PCLO: variants seen among roughly 807,000 people sequenced by gnomAD.
PCLO encodes the protein piccolo presynaptic cytomatrix protein, also known as protein piccolo.
PCLO carries 82 observed loss-of-function variants against 427.5 expected under a neutral mutation model. That is an observed-to-expected ratio of 0.19 (90% CI 0.16 to 0.23). PCLO has a LOEUF of 0.23. Among genes scored for constraint, PCLO ranks in the 10% least tolerant of loss-of-function variants. PCLO has a pLI of 1.00. For synonymous variants in PCLO, 2,357 were observed against 2,155.4 expected (o/e 1.09, Z -2.59); for missense variants, 6,239 against 6,115.9 (o/e 1.02, Z -0.67).
intron 15 of PCLO, among the ~76,000 whole-genome samples, chr7:82,836,196 C>T (rs1028391240): frequency 6.6e-6 from 1 of 152,018 alleles, no homozygotes; most frequent in Non-Finnish European, 1.5e-5. Context: ...GATAGATACT[C>T]CCATATTGTG....
At chr7:83,059,585 C>T (rs1789493133) in intron 3 of PCLO, among the ~76,000 whole-genome samples, 1 of 150,168 alleles carries the variant, frequency 6.7e-6, no homozygotes, top group African/African-American at 2.5e-5. Context: ...ACAGTCATGA[C>T]AGAAATTTAT....
chr7:83,063,249 T>C (rs1411603792), intron 3 of PCLO, among the ~76,000 whole-genome samples: 1 of 152,074 alleles, frequency 6.6e-6, no homozygotes, highest in Non-Finnish European at 1.5e-5. Flanking sequence ...TGCATTGTCT[T>C]CCCATGTAAA....
Position 82,954,910 on chromosome 7 carries a change from A to T in PCLO, c.6043T>A (p.Tyr2015Asn). ...QKITDLQKEF[Y>N]ELESLHSVVP... ...ACAGAATGTAAGCTTTCTAACTCAT[A>T]AAACTCTTTCTGGAGGTCTGTAATT... Residue 2015 changes from tyrosine (Y) to asparagine (N), a missense_variant, in exon 5 of 25, where the codon TAT becomes AAT. Transcript: ENST00000333891. 1 of 1,613,722 alleles carries T rather than the reference A, an allele frequency of 6.2e-7. No individual in the cohort carries two copies. Among genetic ancestry groups the T allele is most frequent in the Non-Finnish European group, 8.5e-7 (1 of 1,179,800 alleles).
intron 3 of PCLO, among the ~76,000 whole-genome samples, chr7:83,040,992 C>T (rs1788960137): frequency 6.6e-6 from 1 of 152,090 alleles, no homozygotes; most frequent in Non-Finnish European, 1.5e-5. Flanking sequence ...GAGAATACTA[C>T]TTAATCAGGA....
At chr7:82,810,686 A>G (rs1791550873) in intron 20 of PCLO, among the ~76,000 whole-genome samples, 2 of 151,738 alleles carry the variant, frequency 1.3e-5, no homozygotes, top group South Asian at 4.1e-4. Context: ...TAGATGGTTC[A>G]ACATCATTGT....
intron 22 of PCLO, among the ~76,000 whole-genome samples, chr7:82,779,892 A>G (rs549696980): frequency 6.6e-6 from 1 of 152,140 alleles, no homozygotes; most frequent in African/African-American, 2.4e-5. Context: ...CTTCTGGACA[A>G]TAGTATGGGT....
chr7:82,806,351 C>T (rs1791457353), intron 20 of PCLO, among the ~76,000 whole-genome samples: 1 of 152,030 alleles, frequency 6.6e-6, no homozygotes, highest in Admixed American at 6.6e-5. Flanking sequence ...TTTGTATGTA[C>T]CTCTGCCTAC....
intron 9 of PCLO, among the ~76,000 whole-genome samples, chr7:82,896,844 A>T (rs973302385): frequency 6.6e-6 from 1 of 151,668 alleles, no homozygotes; most frequent in African/African-American, 2.4e-5. Flanking sequence ...TTTCAAACTT[A>T]ACAACATTTT....
chr7:82,824,290 T>C lies in PCLO; in HGVS notation c.14542A>G (p.Lys4848Glu), dbSNP rs1340055915. 6.2e-6 allele frequency: 10 copies of C among 1,613,574 alleles called. No homozygotes were observed. Among genetic ancestry groups the C allele is most frequent in the Non-Finnish European group, 7.6e-6 (9 of 1,179,712 alleles). ...HSSQSSQQSP[K>E]PSVIKSRSHG... is the part of the protein sequence containing the mutation. ...CTTCTGCTTTTGATAACAGATGGCT[T>C]TGGGGACTGCTGGCTGCTCTGACTG... The change falls in exon 19 of 25, where the codon AAG becomes GAG. Residue 4848 changes from lysine to glutamate, a missense_variant. Around this residue, in one of 5 missense-constraint regions of PCLO, gnomAD observed 877 missense variants for 925.5 expected, o/e 0.95. Coordinates refer to ENST00000333891, the MANE Select transcript of PCLO (RefSeq NM_033026.6).
At chr7:83,147,763 T>TA (rs1357078590) in intron 2 of PCLO, among the ~76,000 whole-genome samples, 1 of 152,070 alleles carries the variant, frequency 6.6e-6, no homozygotes, top group South Asian at 2.1e-4. Context: ...AACATGAATT[T>TA]AAAAAATAAA....
chr7:82,852,334 A>G (rs539509664), intron 10 of PCLO, among the ~76,000 whole-genome samples: 1 of 152,228 alleles, frequency 6.6e-6, no homozygotes, highest in South Asian at 2.1e-4. Context: ...ATTTTAGTCA[A>G]TGAGCTGGGA....
At chr7:83,127,849 T>G (rs374474514) in intron 3 of PCLO, among the ~76,000 whole-genome samples, 1 of 152,118 alleles carries the variant, frequency 6.6e-6, no homozygotes, top group East Asian at 1.9e-4. Flanking sequence ...AATGTGGATA[T>G]TGCTTACTAA....
At chr7:83,039,205 T>C (rs1788908524) in intron 3 of PCLO, among the ~76,000 whole-genome samples, 1 of 151,994 alleles carries the variant, frequency 6.6e-6, no homozygotes, top group South Asian at 2.1e-4. Context: ...GTGAATCATT[T>C]AAGTTTTTAA....
At chr7:83,137,576 G>A (rs537422140) in intron 2 of PCLO, among the ~76,000 whole-genome samples, 3 of 152,060 alleles carry the variant, frequency 2.0e-5, no homozygotes, top group East Asian at 1.9e-4. Context: ...GACTATAGGC[G>A]CCCACCACCA....
chr7:82,925,713 CTT>C (rs34017885), intron 6 of PCLO, among the ~76,000 whole-genome samples: 740 of 78,954 alleles, frequency 9.4e-3, no homozygotes, highest in African/African-American at 0.025. Context: ...ATTTTTGTTG[CTT>C]TTTTTTTTTT....
chr7:82,951,786 C>T (rs1795356336), intron 5 of PCLO, 70 bp downstream of exon 5: 6 of 1,513,676 alleles, frequency 4.0e-6, no homozygotes, highest in African/African-American at 1.4e-5. Context: ...GCCACATTTT[C>T]ATCCTGAAAT....
intron 3 of PCLO, among the ~76,000 whole-genome samples, chr7:82,968,970 A>G (rs1032535397): frequency 6.6e-6 from 1 of 152,188 alleles, no homozygotes; most frequent in Non-Finnish European, 1.5e-5. Context: ...AAATTTTAAT[A>G]TACCAGAAAT....
chr7:82,794,490 G>T (rs1251806868), intron 22 of PCLO, among the ~76,000 whole-genome samples: 17 of 10,306 alleles, frequency 1.6e-3, no homozygotes, highest in Non-Finnish European at 4.6e-3. Flanking sequence ...TTTTTTTTTT[G>T]AGACACAGTC....
intron 4 of PCLO, among the ~76,000 whole-genome samples, chr7:82,957,985 A>G (rs752587741): frequency 6.6e-6 from 1 of 152,228 alleles, no homozygotes; most frequent in African/African-American, 2.4e-5. Flanking sequence ...GACTTGTTGC[A>G]TAAAGACTTT....
Sources: allele counts gnomAD v4.1 joint callset (sites outside exome capture counted in the v4.1 genomes callset), GRCh38; gene constraint gnomAD v4.1.1; regional missense constraint gnomAD v4.1.1; transcripts MANE v1.5; gene names NCBI Gene and HGNC (gene_info 2026-07-23, HGNC 2026-07-21).